The following SUGP2 variants were observed in gnomAD, a reference collection of about 807,000 sequenced individuals.
SUGP2 encodes SURP and G-patch domain containing 2.
Under a neutral mutation model 90.5 loss-of-function variants are expected in SUGP2, and 24 were observed. That is an observed-to-expected ratio of 0.27 (90% CI 0.19 to 0.37). The LOEUF is 0.37. SUGP2 is among the 10% of genes least tolerant of loss of function. The pLI is 1.00. For missense variants in SUGP2, 1,233 were observed against 1,363.3 expected (o/e 0.90, Z 1.51); for synonymous variants, 473 against 513.4 (o/e 0.92, Z 1.06).
chr19:19,011,207 A>C (rs191086927), intron 4 of SUGP2, among the ~76,000 whole-genome samples: 1 of 150,104 alleles, frequency 6.7e-6, no homozygotes, highest in Admixed American at 6.7e-5. Context: ...TAGCTTCATG[A>C]GTTGATTACA....
At chr19:19,031,874 G>C (rs977463463) in intron 1 of SUGP2, among the ~76,000 whole-genome samples, 2 of 146,444 alleles carry the variant, frequency 1.4e-5, no homozygotes, top group African/African-American at 5.1e-5. Context: ...AGGTTGGCCA[G>C]GCTGGTCTCG....
chr19:19,020,953 A>G (rs2058701467), intron 3 of SUGP2, among the ~76,000 whole-genome samples: 1 of 152,016 alleles, frequency 6.6e-6, no homozygotes, highest in South Asian at 2.1e-4. Context: ...TGAGGTCAGG[A>G]GTTCGAGACC....
chr19:19,025,300 G>A lies in SUGP2; in HGVS notation c.1048C>T (p.Leu350Phe). The A allele has an allele frequency of 6.2e-7, 1 of 1,613,276 alleles. No homozygotes were observed. Among genetic ancestry groups the A allele is most frequent in the Non-Finnish European group, 8.5e-7 (1 of 1,179,838 alleles). ...TCAAGTTCAAAGAGAGTCTGGAAAAGTTGGGAAAATTTAATATCATCTTTT... is the reference window on the plus strand; with the variant it reads ...TCAAGTTCAAAGAGAGTCTGGAAAAATTGGGAAAATTTAATATCATCTTTT... ...TIKDDIKFSQ[L>F]FQTLFELETE... is the part of the protein sequence containing the mutation. The change falls in exon 3 of 11, where the codon CTT (leucine) becomes TTT (phenylalanine). Residue 350 changes from leucine to phenylalanine, a missense_variant. Leu to Phe is a conservative substitution (Grantham distance 22, BLOSUM62 0). Coordinates refer to ENST00000452918, the MANE Select transcript of SUGP2 (RefSeq NM_001017392.5).
At chr19:19,013,972 G>GT (rs1400371150) in intron 4 of SUGP2, among the ~76,000 whole-genome samples, 2 of 152,232 alleles carry the variant, frequency 1.3e-5, no homozygotes, top group Non-Finnish European at 2.9e-5. Flanking sequence ...CATAGTGGAT[G>GT]TGTCTGTCTA....
chr19:18,994,626 A>C, intron 9 of SUGP2, 140 bp from the exon 10 acceptor site: 1 of 1,201,544 alleles, frequency 8.3e-7, no homozygotes, highest in Non-Finnish European at 1.2e-6. Flanking sequence ...GAAAATCAAG[A>C]CGCGACTCAC....
At chr19:19,018,770 AATTG>A (rs2058599786) in intron 4 of SUGP2, among the ~76,000 whole-genome samples, 1 of 152,182 alleles carries the variant, frequency 6.6e-6, no homozygotes, top group African/African-American at 2.4e-5. Flanking sequence ...ATTAGCAATA[AATTG>A]CAAACAACTG....
intron 3 of SUGP2, among the ~76,000 whole-genome samples, chr19:19,023,778 C>G (rs1405422774): frequency 6.6e-6 from 1 of 152,046 alleles, no homozygotes; most frequent in Admixed American, 6.6e-5. Context: ...CCTATAGTCC[C>G]AGCTACTCAG....
chr19:18,999,727 C>T (rs1398328258), intron 8 of SUGP2, among the ~76,000 whole-genome samples: 2 of 152,186 alleles, frequency 1.3e-5, no homozygotes, highest in Non-Finnish European at 2.9e-5. Flanking sequence ...CGCCTGGCTC[C>T]CCGCCCTCCT....
At position 19,019,199 on chromosome 19, in the gene SUGP2, A is replaced by C. The variant is rs769598613; in HGVS notation, c.1760T>G (p.Val587Gly). 1.2e-6 allele frequency: 2 copies of C among 1,614,136 alleles called. No homozygotes were observed. The highest frequency in any genetic ancestry group is 2.2e-5 in the South Asian group (2 of 91,076). Residue 587 changes from valine (V) to glycine (G), a missense_variant, in exon 4 of 11, where the codon GTG becomes GGG. Coordinates refer to ENST00000452918, the MANE Select transcript of SUGP2 (RefSeq NM_001017392.5). ...TTTCACAAGCTGGTCGATGGTGCCC[A>C]CTACCCTGTGATCTGCTCGCTGGGG... ...AVPQRADHRV[V>G]GTIDQLVKRV...
At chr19:19,013,450 C>T (rs1465424393) in intron 4 of SUGP2, among the ~76,000 whole-genome samples, 1 of 152,128 alleles carries the variant, frequency 6.6e-6, no homozygotes, top group Non-Finnish European at 1.5e-5. Flanking sequence ...AAGTTATAGA[C>T]CTCACTTCTG....
In SUGP2 at chr19:18,990,958, A is replaced by G. The variant is rs1009740376; in HGVS notation, c.*2783T>C. 6.6e-6 allele frequency: 1 copy of G among 152,258 alleles called. No homozygotes were observed. The highest frequency in any genetic ancestry group is 1.5e-5 in the Non-Finnish European group (1 of 68,048). The allele number at this position is 152,258 out of a possible 1,614,324, so 9.4% of individuals were successfully genotyped here. On this transcript the variant is annotated 3_prime_UTR_variant, in exon 11 of 11. Coordinates refer to ENST00000452918, the MANE Select transcript of SUGP2 (RefSeq NM_001017392.5). The stretch of plus-strand genomic sequence containing the variant: ...CAACATTCACAACTTCTTAGATCTT[A>G]AAAAACAGAAACAAAAGAAAACTTC...
intron 5 of SUGP2, among the ~76,000 whole-genome samples, chr19:19,008,635 T>C (rs1415943529): frequency 1.3e-5 from 2 of 152,188 alleles, no homozygotes; most frequent in Non-Finnish European, 2.9e-5. Context: ...GGGACTCACA[T>C]CAGCTATAGA....
At position 18,993,391 on chromosome 19, in the gene SUGP2, A is replaced by G. The variant is rs1157470258; in HGVS notation, c.*350T>C. ...CTTCTGGAGAGCAATGGCCAGTCCA[A>G]CTGGAAAATCAGCCAGAGGAGCTGG... On this transcript the variant is annotated 3_prime_UTR_variant, in exon 11 of 11. Coordinates refer to ENST00000452918, the MANE Select transcript of SUGP2 (RefSeq NM_001017392.5). 2 of 152,150 alleles carry G rather than the reference A, an allele frequency of 1.3e-5. No individual in the cohort carries two copies. The highest frequency in any genetic ancestry group is 2.4e-5 in the African/African-American group (1 of 41,430). 9.4% of individuals were successfully genotyped at this position (152,150 alleles called of 1,614,324 possible). A position where few individuals can be genotyped will look rare whatever the true frequency, so the allele number is the denominator to read the frequency against.
Position 19,009,981 on chromosome 19 carries a change from G to A in SUGP2, c.2212C>T (p.Pro738Ser), listed in dbSNP as rs1232883519. 6 of 1,614,044 alleles carry A rather than the reference G, an allele frequency of 3.7e-6. No homozygotes were observed. The African/African-American group carries it at 6.7e-5, about 18-fold the overall frequency. Residue 738 changes from proline to serine, a missense_variant, in exon 5 of 11, where the codon CCG (proline) becomes TCG (serine). Physicochemically the swap from Pro to Ser is moderately conservative, Grantham distance 74. This residue lies in a region of SUGP2 where 540 missense variants were observed against 542.6 expected (regional missense o/e 1.00). Coordinates refer to ENST00000452918, the MANE Select transcript of SUGP2 (RefSeq NM_001017392.5). ...GGAGAAGGTCCAACTGGGTCTGGCG[G>A]GCAGTCCTTGGCAGCATCATTTCTG... ...PDRNDAAKDC[P>S]PDPVGPSPQD...
Position 19,024,733 on chromosome 19 carries a change from C to CG in SUGP2, c.1614dup (p.Gly539ArgfsTer7). The CG allele has an allele frequency of 6.2e-7, 1 of 1,614,170 alleles. No homozygotes were observed. Among genetic ancestry groups the CG allele is most frequent in the Non-Finnish European group, 8.5e-7 (1 of 1,180,030 alleles). ...GCTTTCTTAACCTGGAGGGGACATCCGCTGCTGACTAGCCAGGCCTTCAGG... is the reference window on the plus strand; with the variant it reads ...GCTTTCTTAACCTGGAGGGGACATCCGGCTGCTGACTAGCCAGGCCTTCAGG... On this transcript the variant is annotated frameshift_variant, in exon 3 of 11. Transcript: ENST00000452918. LOFTEE classifies it high-confidence loss of function.
chr19:19,023,705 T>C (rs565698578), intron 3 of SUGP2, among the ~76,000 whole-genome samples: 1 of 152,046 alleles, frequency 6.6e-6, no homozygotes, highest in South Asian at 2.1e-4. Flanking sequence ...TCGAGACCAG[T>C]CTGGGCAACA....
rs11666120 is a variant in SUGP2 at position 19,021,091 on chromosome 19, T to A, written c.1730-1862A>T. 8.1e-5 allele frequency among the ~76,000 whole-genome samples: 12 copies of A among 147,838 alleles called. No individual in the cohort carries two copies. In the South Asian group the frequency reaches 8.5e-4, roughly 11 times the overall value. ...GGAGAATCGCTTGAACCTGGGAGGC[T>A]GAGATAGCGGTGAGCCGAGATCATG... On this transcript the variant is annotated intron_variant, in intron 3 of 10. Transcript: ENST00000452918.
At position 19,033,458 on chromosome 19, in the gene SUGP2, G is replaced by T; in HGVS notation, c.-33C>A. The T allele has an allele frequency of 7.1e-7, 1 of 1,398,936 alleles. No individual in the cohort carries two copies. Among genetic ancestry groups the T allele is most frequent in the South Asian group, 1.4e-5 (1 of 73,776 alleles). 86.7% of individuals were successfully genotyped at this position (1,398,936 alleles called of 1,614,324 possible). ...TCACCCCGAGACCACCGCGCGCGGAGCCACCCCCGCCGCCGCCTCAGGCTC... is the reference window on the plus strand; with the variant it reads ...TCACCCCGAGACCACCGCGCGCGGATCCACCCCCGCCGCCGCCTCAGGCTC... On this transcript the variant is annotated 5_prime_UTR_variant, in exon 1 of 11. Coordinates refer to ENST00000452918, the MANE Select transcript of SUGP2 (RefSeq NM_001017392.5).
At chr19:19,024,150 C>T (rs1219280459) in intron 3 of SUGP2, among the ~76,000 whole-genome samples, 1 of 152,156 alleles carries the variant, frequency 6.6e-6, no homozygotes, top group East Asian at 1.9e-4. Context: ...TGCTCTGTCA[C>T]CCAGGTTGGA....
Sources: gnomAD v4.1 joint callset for allele counts (sites outside exome capture counted in the v4.1 genomes callset) on GRCh38, gnomAD v4.1.1 for gene constraint, gnomAD v4.1.1 regional missense constraint, MANE v1.5 for transcripts, NCBI Gene and HGNC (gene_info 2026-07-23, HGNC 2026-07-21) for gene names.